The following NINL variants were observed in gnomAD, a reference collection of about 807,000 sequenced individuals.
NINL encodes ninein like.
NINL carries 153 observed loss-of-function variants against 160.3 expected under a neutral mutation model. The ratio of observed to expected loss-of-function variants is 0.95; its 90% CI spans 0.84 to 1.09. NINL has a LOEUF of 1.09. Ranked by LOEUF, NINL falls within the 50% of genes least tolerant of loss-of-function variation. NINL has a pLI of 0.00. For missense variants in NINL, 1,829 were observed against 1,764.0 expected (o/e 1.04, Z -0.66); for synonymous variants, 800 against 734.8 (o/e 1.09, Z -1.43).
intron 1 of NINL, among the ~76,000 whole-genome samples, chr20:25,529,070 C>T (rs1479505656): frequency 6.6e-6 from 1 of 152,106 alleles, no homozygotes; most frequent in Non-Finnish European, 1.5e-5. Context: ...GGAAAATGTG[C>T]ATGCTCCTCA....
chr20:25,578,857 T>G (rs1404790555), intron 1 of NINL, among the ~76,000 whole-genome samples: 1 of 148,426 alleles, frequency 6.7e-6, no homozygotes, highest in Non-Finnish European at 1.5e-5. Flanking sequence ...TAAATTAAAT[T>G]AAATTAAATG....
chr20:25,571,746 A>C (rs971594956), intron 1 of NINL, among the ~76,000 whole-genome samples: 6 of 151,922 alleles, frequency 3.9e-5, no homozygotes, highest in African/African-American at 1.5e-4. Flanking sequence ...ACACGCCTGT[A>C]ATCCCAGTTA....
chr20:25,453,947 G>C (rs1388394654), intron 23 of NINL, among the ~76,000 whole-genome samples: 1 of 152,116 alleles, frequency 6.6e-6, no homozygotes, highest in Non-Finnish European at 1.5e-5. Flanking sequence ...AGCTACCCGG[G>C]AGGCTGAGGC....
chr20:25,487,681 G>C (rs749129361), intron 13 of NINL, among the ~76,000 whole-genome samples: 2 of 152,242 alleles, frequency 1.3e-5, no homozygotes, highest in African/African-American at 4.8e-5. Flanking sequence ...GCCTATGAAA[G>C]AACCATGTGG....
intron 1 of NINL, among the ~76,000 whole-genome samples, chr20:25,550,009 C>T (rs886232483): frequency 6.6e-6 from 1 of 152,214 alleles, no homozygotes; most frequent in Non-Finnish European, 1.5e-5. Flanking sequence ...GAAAAGAACA[C>T]ATGAAACACT....
chr20:25,536,629 G>T (rs1280403410), intron 1 of NINL, among the ~76,000 whole-genome samples: 1 of 152,168 alleles, frequency 6.6e-6, no homozygotes. Flanking sequence ...TGAGGCAAGA[G>T]AATTGCTTGA....
chr20:25,484,747 A>G (rs2063474306), intron 13 of NINL, among the ~76,000 whole-genome samples: 1 of 152,246 alleles, frequency 6.6e-6, no homozygotes, highest in Non-Finnish European at 1.5e-5. Flanking sequence ...TCATTTTGCA[A>G]CCATCATAGT....
rs1352438496 is a variant in NINL, at chr20:25,585,453, A to T, written c.-12+2T>A. The T allele has an allele frequency of 6.6e-6, 1 of 152,094 alleles. No individual in the cohort carries two copies. Among genetic ancestry groups the T allele is most frequent in the Non-Finnish European group, 1.5e-5 (1 of 68,012 alleles). The allele number at this position is 152,094 out of a possible 1,614,324, so 9.4% of individuals were successfully genotyped here. ...TCCCGCCGGACGCCCGGGCCGGCTC[A>T]CCTGGGAGGCGCCTCCGCCGTCCGC... On this transcript the variant is annotated splice_donor_variant, in intron 1 of 23. Coordinates refer to ENST00000278886, the MANE Select transcript of NINL (RefSeq NM_025176.6). LOFTEE classifies it low-confidence loss of function (5UTR_SPLICE).
At chr20:25,566,668 C>G (rs2065002317) in intron 1 of NINL, among the ~76,000 whole-genome samples, 2 of 152,190 alleles carry the variant, frequency 1.3e-5, no homozygotes, top group African/African-American at 4.8e-5. Flanking sequence ...GTAACTCATG[C>G]CTGTAATCCC....
chr20:25,477,566 GT>G (rs1409651223), intron 16 of NINL, among the ~76,000 whole-genome samples: 1 of 152,252 alleles, frequency 6.6e-6, no homozygotes, highest in Non-Finnish European at 1.5e-5. Flanking sequence ...CCGCAGGAGA[GT>G]CCAGTGGAAG....
intron 1 of NINL, among the ~76,000 whole-genome samples, chr20:25,532,087 AC>A (rs1336844336): frequency 4.6e-5 from 7 of 152,068 alleles, no homozygotes; most frequent in Non-Finnish European, 1.0e-4. Context: ...GACACTGCAA[AC>A]CCTCTGTGGA....
chr20:25,511,658 G>A (rs949178497), intron 4 of NINL, among the ~76,000 whole-genome samples: 2 of 152,142 alleles, frequency 1.3e-5, no homozygotes, highest in African/African-American at 4.8e-5. Flanking sequence ...AAGCAGAATG[G>A]CACCAATGAA....
chr20:25,558,158 A>G (rs1402555546), intron 1 of NINL, among the ~76,000 whole-genome samples: 1 of 152,172 alleles, frequency 6.6e-6, no homozygotes, highest in East Asian at 1.9e-4. Flanking sequence ...AACGAAAAAC[A>G]AAGATAAACA....
intron 1 of NINL, among the ~76,000 whole-genome samples, chr20:25,578,551 T>C (rs1185365197): frequency 6.6e-6 from 1 of 151,940 alleles, no homozygotes; most frequent in Non-Finnish European, 1.5e-5. Flanking sequence ...CCCAGCACTT[T>C]GGGAGGCTGA....
intron 1 of NINL, among the ~76,000 whole-genome samples, chr20:25,539,029 G>A (rs1352790378): frequency 6.6e-6 from 1 of 152,148 alleles, no homozygotes; most frequent in African/African-American, 2.4e-5. Flanking sequence ...AGTGACTGGT[G>A]GGCACTTGAT....
intron 1 of NINL, among the ~76,000 whole-genome samples, chr20:25,583,484 G>T (rs554099165): frequency 6.6e-6 from 1 of 152,208 alleles, no homozygotes; most frequent in South Asian, 2.1e-4. Context: ...ACAGATGCTG[G>T]AGAGGCTGTG....
intron 1 of NINL, among the ~76,000 whole-genome samples, chr20:25,550,355 GC>G (rs889406423): frequency 3.9e-5 from 6 of 152,238 alleles, no homozygotes; most frequent in African/African-American, 1.4e-4. Flanking sequence ...AAGGGGGCCT[GC>G]CCCTCCACAC....
chr20:25,537,771 T>A (rs1261359849), intron 1 of NINL, among the ~76,000 whole-genome samples: 1 of 152,100 alleles, frequency 6.6e-6, no homozygotes, highest in Non-Finnish European at 1.5e-5. Flanking sequence ...CACTGTCCCA[T>A]TGTGGGGGGC....
At chr20:25,463,567 G>A (rs1286361000) in intron 19 of NINL, among the ~76,000 whole-genome samples, 2 of 152,332 alleles carry the variant, frequency 1.3e-5, no homozygotes, top group East Asian at 3.9e-4. Context: ...CTGGACCACG[G>A]AGGCTCTGCT....
Sources: gnomAD v4.1 joint callset for allele counts (sites outside exome capture counted in the v4.1 genomes callset) on GRCh38, gnomAD v4.1.1 for gene constraint, MANE v1.5 for transcripts, NCBI Gene and HGNC (gene_info 2026-07-23, HGNC 2026-07-21) for gene names.